WDR36: variants seen among roughly 807,000 people sequenced by gnomAD.
WDR36 encodes the protein WD repeat domain 36, also known as WD repeat-containing protein 36.
WDR36 carries 63 observed loss-of-function variants against 112.7 expected under a neutral mutation model. The observed-to-expected ratio is 0.56, with a 90% CI of 0.46 to 0.69. The LOEUF is 0.69. WDR36 is among the 30% of genes least tolerant of loss of function. The pLI, the probability that WDR36 is intolerant of heterozygous loss-of-function variation, is 0.00. For missense variants in WDR36, 1,226 were observed against 1,070.3 expected (o/e 1.15, Z -2.03); for synonymous variants, 410 against 362.2 (o/e 1.13, Z -1.50).
At position 111,105,330 on chromosome 5, in the gene WDR36, C is replaced by T; in HGVS notation, c.1063C>T (p.His355Tyr). The change falls in exon 10 of 23, where the codon CAT becomes TAT. Residue 355 changes from histidine to tyrosine, a missense_variant. Coordinates refer to ENST00000513710, the MANE Select transcript of WDR36 (RefSeq NM_139281.3). ...DGTLQSFSTVHEKFNKSLGHG... is the reference protein window; with the variant it reads ...DGTLQSFSTVYEKFNKSLGHG... Reference sequence around the variant, plus strand: ...AACTCTTCAGTCATTTTCCACGGTACATGAAAAATTCAATAAGAGCTTGGG... The same window carrying T: ...AACTCTTCAGTCATTTTCCACGGTATATGAAAAATTCAATAAGAGCTTGGG... 1 of 1,609,948 alleles carries T rather than the reference C, an allele frequency of 6.2e-7. No homozygotes were observed. The highest frequency in any genetic ancestry group is 8.5e-7 in the Non-Finnish European group (1 of 1,177,190).
At chr5:111,092,698 C>T in intron 1 of WDR36, 80 bp downstream of exon 1, 7 of 1,468,422 alleles carry the variant, frequency 4.8e-6, no homozygotes, top group Non-Finnish European at 6.5e-6. Flanking sequence ...GTCCGGTTCT[C>T]CCTTCCCATT....
chr5:111,122,648 T>C (rs997964541), intron 19 of WDR36, among the ~76,000 whole-genome samples: 6 of 152,160 alleles, frequency 3.9e-5, no homozygotes, highest in Non-Finnish European at 8.8e-5. Flanking sequence ...TACACTACAG[T>C]TTGCGGTGCT....
In WDR36 at chr5:111,123,922, C is replaced by T; in HGVS notation, c.2266C>T (p.Gln756Ter). ...AAPEQNNDPQ[Q>*]SKVVNLGVLA... is the part of the protein sequence containing the mutation. Reference sequence around the variant, plus strand: ...ACCTGAACAAAATAATGATCCCCAGCAGGTAAAAAACAAATTAGAAGATTC... The same window carrying T: ...ACCTGAACAAAATAATGATCCCCAGTAGGTAAAAAACAAATTAGAAGATTC... Residue 756 changes from glutamine (Q) to a stop codon, truncating the protein, a stop_gained and splice_region_variant, in exon 20 of 23, where the codon CAG (glutamine) becomes TAG (stop). Coordinates refer to ENST00000513710, the MANE Select transcript of WDR36 (RefSeq NM_139281.3). LOFTEE classifies it high-confidence loss of function. 6.2e-7 allele frequency: 1 copy of T among 1,613,516 alleles called. No individual in the cohort carries two copies. Among genetic ancestry groups the T allele is most frequent in the South Asian group, 1.1e-5 (1 of 91,068 alleles).
At chr5:111,114,757 A>G (rs977893751) in intron 16 of WDR36, among the ~76,000 whole-genome samples, 1 of 152,212 alleles carries the variant, frequency 6.6e-6, no homozygotes, top group Non-Finnish European at 1.5e-5. Flanking sequence ...GGCTGTTGCT[A>G]TTTTCTAAAA....
At chr5:111,107,506 A>G (rs1753243463) in intron 12 of WDR36, 67 bp downstream of exon 12, 1 of 1,578,788 alleles carries the variant, frequency 6.3e-7, no homozygotes, top group Non-Finnish European at 8.6e-7. Flanking sequence ...TGTTATACTC[A>G]AGGTTTCTCA....
chr5:111,130,238 A>G lies in WDR36; in HGVS notation c.*3355A>G, dbSNP rs1753763594. 4.9e-6 allele frequency: 1 copy of G among 203,468 alleles called. No individual in the cohort carries two copies. 12.6% of individuals were successfully genotyped at this position (203,468 alleles called of 1,614,324 possible). A position where few individuals can be genotyped will look rare whatever the true frequency, so the allele number is the denominator to read the frequency against. On this transcript the variant is annotated 3_prime_UTR_variant, in exon 23 of 23. Coordinates refer to ENST00000513710, the MANE Select transcript of WDR36 (RefSeq NM_139281.3). ...CCAAAATCCAAGCAATGCCCTGCAGATCATGGGACCTATGCATATGAAAAG... is the reference window on the plus strand; with the variant it reads ...CCAAAATCCAAGCAATGCCCTGCAGGTCATGGGACCTATGCATATGAAAAG...
chr5:111,119,707 T>A (rs1753526465), intron 17 of WDR36, among the ~76,000 whole-genome samples: 1 of 152,098 alleles, frequency 6.6e-6, no homozygotes, highest in South Asian at 2.1e-4. Context: ...AAGAAAAAAT[T>A]GATTTTTTAT....
At chr5:111,104,487 CAA>C in intron 8 of WDR36, 135 bp downstream of exon 8, 1 of 1,417,100 alleles carries the variant, frequency 7.1e-7, no homozygotes, top group South Asian at 1.2e-5. Flanking sequence ...ATAGATGAAA[CAA>C]AAAGCACAGC....
chr5:111,110,607 C>T (rs1183906295), intron 13 of WDR36, among the ~76,000 whole-genome samples, 181 bp from the exon 14 acceptor site: 5 of 151,326 alleles, frequency 3.3e-5, no homozygotes, highest in Non-Finnish European at 5.9e-5. Flanking sequence ...TGTTTTTTTA[C>T]TCGAACAGTA....
chr5:111,119,889 A>G (rs995934328), intron 17 of WDR36, among the ~76,000 whole-genome samples: 5 of 152,170 alleles, frequency 3.3e-5, no homozygotes, highest in African/African-American at 7.2e-5. Flanking sequence ...CAGCAGGAGT[A>G]TGGCCCTTCT....
rs1753755839 is a variant in WDR36, at chr5:111,129,913, G to T, written c.*3030G>T. 1 of 209,592 alleles carries T rather than the reference G, an allele frequency of 4.8e-6. No individual in the cohort carries two copies. The highest frequency in any genetic ancestry group is 5.9e-5 in the Admixed American group (1 of 16,988). 13.0% of individuals were successfully genotyped at this position (209,592 alleles called of 1,614,324 possible). A position where few individuals can be genotyped will look rare whatever the true frequency, so the allele number is the denominator to read the frequency against. On this transcript the variant is annotated 3_prime_UTR_variant, in exon 23 of 23. Coordinates refer to ENST00000513710, the MANE Select transcript of WDR36 (RefSeq NM_139281.3). Reference sequence around the variant, plus strand: ...TGAAACAGCGCTGCTTCCAATATCTGTTCAAAATTCATTTATTGAAAAGTC... The same window carrying T: ...TGAAACAGCGCTGCTTCCAATATCTTTTCAAAATTCATTTATTGAAAAGTC...
intron 22 of WDR36, 83 bp downstream of exon 22, chr5:111,125,878 T>A: frequency 7.1e-7 from 1 of 1,411,922 alleles, no homozygotes; most frequent in Non-Finnish European, 9.9e-7. Context: ...CAAAGATGGG[T>A]ATGCTGTATA....
rs1303947648 is a variant in WDR36 at position 111,128,562 on chromosome 5, TAACTA to T, written c.*1682_*1686del. The stretch of plus-strand genomic sequence containing the variant: ...TTCTATACCTAGTAAAGATTGTAAA[TAACTA>T]AAACAAAATGATAAGAGCTGTGAAC... On this transcript the variant is annotated 3_prime_UTR_variant, in exon 23 of 23. Coordinates refer to ENST00000513710, the MANE Select transcript of WDR36 (RefSeq NM_139281.3). 18 of 178,870 alleles carry T rather than the reference TAACTA, an allele frequency of 1.0e-4. No individual in the cohort carries two copies. Among genetic ancestry groups the T allele is most frequent in the Non-Finnish European group, 1.2e-4 (10 of 83,276 alleles). The allele number at this position is 178,870 out of a possible 1,614,324, so 11.1% of individuals were successfully genotyped here. A position where few individuals can be genotyped will look rare whatever the true frequency, so the allele number is the denominator to read the frequency against.
chr5:111,102,449 C>T, intron 6 of WDR36, 50 bp downstream of exon 6: 1 of 1,539,162 alleles, frequency 6.5e-7, no homozygotes, highest in Non-Finnish European at 9.0e-7. Context: ...ATAGGAAAAT[C>T]CTTCAGTTTC....
In WDR36 at chr5:111,123,877, C is replaced by G; in HGVS notation, c.2221C>G (p.Leu741Val). ...ATTTTTCATTCCAACAATTCCTGGCCTTGTACCCAGATATGCTGCACCTGA... is the reference window on the plus strand; with the variant it reads ...ATTTTTCATTCCAACAATTCCTGGCGTTGTACCCAGATATGCTGCACCTGA... ...APFFIPTIPG[L>V]VPRYAAPEQN... The change falls in exon 20 of 23, where the codon CTT becomes GTT. Residue 741 changes from leucine to valine, a missense_variant. Coordinates refer to ENST00000513710, the MANE Select transcript of WDR36 (RefSeq NM_139281.3). The G allele has an allele frequency of 1.9e-6, 3 of 1,613,864 alleles. No homozygotes were observed. Among genetic ancestry groups the G allele is most frequent in the Non-Finnish European group, 2.5e-6 (3 of 1,179,912 alleles).
chr5:111,114,372 C>G (rs1753412657), intron 16 of WDR36, among the ~76,000 whole-genome samples: 1 of 152,170 alleles, frequency 6.6e-6, no homozygotes, highest in South Asian at 2.1e-4. Context: ...AAGCTCTGTT[C>G]ACTTCCTCTT....
intron 13 of WDR36, among the ~76,000 whole-genome samples, 181 bp downstream of exon 13, chr5:111,110,484 A>G (rs1354291689): frequency 1.3e-5 from 2 of 151,540 alleles, no homozygotes; most frequent in African/African-American, 4.8e-5. Context: ...GAGAAAAGTC[A>G]TGGGTACTTA....
In WDR36 at chr5:111,104,336, C is replaced by T. The variant is rs1753180637; in HGVS notation, c.890C>T (p.Ala297Val). 1.9e-6 allele frequency: 3 copies of T among 1,611,880 alleles called. No individual in the cohort carries two copies. Among genetic ancestry groups the T allele is most frequent in the Non-Finnish European group, 2.5e-6 (3 of 1,178,382 alleles). The change falls in exon 8 of 23, where the codon GCT (alanine) becomes GTT (valine). Residue 297 changes from alanine (A) to valine (V), a missense_variant. Physicochemically the swap from Ala to Val is moderately conservative, Grantham distance 64. Transcript: ENST00000513710. ...GAGCCACTTCTTGTCACAAATGGCG[C>T]TGACAATGCTCTTAGGGTATTATGA... ...HREPLLVTNG[A>V]DNALRIWIFD...
rs181468721 is a variant in WDR36 at position 111,100,896 on chromosome 5, T to G, written c.542+175T>G. Reference sequence around the variant, plus strand: ...GTCAATTAACCTGGGATCAAAAATATTCAAGGAAAAATAAATAAATAATAA... The same window carrying G: ...GTCAATTAACCTGGGATCAAAAATAGTCAAGGAAAAATAAATAAATAATAA... On this transcript the variant is annotated intron_variant, in intron 5 of 22. Transcript: ENST00000513710. Among the ~76,000 whole-genome samples the G allele has an allele frequency of 2.0e-5, 3 of 152,008 alleles. No individual in the cohort carries two copies. The East Asian group carries it at 5.8e-4, about 29-fold the overall frequency.
Sources: gnomAD v4.1 joint callset for allele counts (sites outside exome capture counted in the v4.1 genomes callset) on GRCh38, gnomAD v4.1.1 for gene constraint, MANE v1.5 for transcripts, NCBI Gene and HGNC (gene_info 2026-07-23, HGNC 2026-07-21) for gene names.